Variants in ZNF385D observed in about 807,000 individuals in gnomAD.
ZNF385D encodes zinc finger protein 659.
ZNF385D carries 15 observed loss-of-function variants against 35.8 expected under a neutral mutation model. The ratio of observed to expected loss-of-function variants is 0.42; its 90% CI spans 0.28 to 0.64. The LOEUF (loss-of-function observed/expected upper bound fraction) is 0.64, where lower values mean the gene tolerates loss of function less well. ZNF385D is among the 30% of genes least tolerant of loss of function. ZNF385D has a pLI of 0.23. For missense variants in ZNF385D, 474 were observed against 494.6 expected (o/e 0.96, Z 0.39); for synonymous variants, 212 against 186.8 (o/e 1.13, Z -1.10).
intron 1 of ZNF385D, among the ~76,000 whole-genome samples, chr3:21,690,952 G>A (rs11706806): frequency 0.27 from 40,933 of 151,946 alleles, 5,539 homozygotes; most frequent in Middle Eastern, 0.37. Context: ...GAACTCTGGC[G>A]TTCTACCCTC....
chr3:22,241,661 T>C (rs1233089694), intron 2 of ZNF385D, among the ~76,000 whole-genome samples: 1 of 151,096 alleles, frequency 6.6e-6, no homozygotes, highest in Non-Finnish European at 1.5e-5. Flanking sequence ...ATCCATTTTC[T>C]TTCTTTTTTT....
rs142323918 is a variant in ZNF385D at position 22,182,172 on chromosome 3, A to T, written c.107-13137T>A. Among the ~76,000 whole-genome samples the T allele has an allele frequency of 2.8e-3, 425 of 152,302 alleles. 1 individual carries two copies. The highest frequency in any genetic ancestry group is 0.01 in the African/African-American group (416 of 41,576). ...TAAGACATAAAGCTTCTGTAATATT[A>T]TTATGCATAAATACATAACTACTAT... On this transcript the variant is annotated intron_variant, in intron 2 of 5. Coordinates refer to the ZNF385D transcript ENST00000494108.
chr3:22,228,129 C>G (rs554859796), intron 2 of ZNF385D, among the ~76,000 whole-genome samples: 2 of 152,254 alleles, frequency 1.3e-5, no homozygotes, highest in East Asian at 3.9e-4. Flanking sequence ...TGGTAGCACT[C>G]AGCAATCAGA....
chr3:21,774,509 C>G lies in ZNF385D; in HGVS notation c.326-109481G>C, dbSNP rs564153435. On this transcript the variant is annotated intron_variant, in intron 3 of 5. Coordinates refer to the ZNF385D transcript ENST00000494108. ...TAAAAATGGAGGCCAATGGGATGCT[C>G]TGATGGAAACAGGAGATGGGAAATA... is the stretch of plus-strand genomic sequence containing the variant. 7.2e-5 allele frequency among the ~76,000 whole-genome samples: 11 copies of G among 151,910 alleles called. No homozygotes were observed. The South Asian group carries it at 2.1e-3, about 29-fold the overall frequency.
intron 4 of ZNF385D, among the ~76,000 whole-genome samples, chr3:21,489,228 G>A (rs896522654): frequency 2.0e-5 from 3 of 152,062 alleles, no homozygotes; most frequent in African/African-American, 7.2e-5. Context: ...GAGTCTACAC[G>A]GTCCAGGAAG....
chr3:22,218,781 A>G (rs985128846), intron 2 of ZNF385D, among the ~76,000 whole-genome samples: 1 of 152,010 alleles, frequency 6.6e-6, no homozygotes, highest in African/African-American at 2.4e-5. Flanking sequence ...ATAGTTGTTC[A>G]TTGCCTTCAA....
chr3:22,236,131 C>A (rs767445321), intron 2 of ZNF385D, among the ~76,000 whole-genome samples: 1 of 151,858 alleles, frequency 6.6e-6, no homozygotes, highest in African/African-American at 2.4e-5. Flanking sequence ...TAAATGCAAA[C>A]AAAGCAATTT....
At chr3:21,576,033 A>G (rs1021189328) in intron 2 of ZNF385D, among the ~76,000 whole-genome samples, 3 of 152,234 alleles carry the variant, frequency 2.0e-5, no homozygotes, top group African/African-American at 4.8e-5. Context: ...TCATGACACA[A>G]TATGGAATAC....
At chr3:22,114,945 A>C (rs13326591) in intron 3 of ZNF385D, among the ~76,000 whole-genome samples, 90,872 of 151,810 alleles carry the variant, frequency 0.6, 28,846 homozygotes, top group African/African-American at 0.83. Flanking sequence ...AAGGGCCTCA[A>C]CAGACACTAA....
At chr3:21,683,887 C>T (rs2066996042) in intron 1 of ZNF385D, among the ~76,000 whole-genome samples, 1 of 150,106 alleles carries the variant, frequency 6.7e-6, no homozygotes, top group African/African-American at 2.5e-5. Flanking sequence ...AGATTTTTAA[C>T]ACAGAGTGTC....
intron 2 of ZNF385D, among the ~76,000 whole-genome samples, chr3:21,571,444 A>T (rs1300384552): frequency 1.3e-5 from 2 of 152,200 alleles, no homozygotes; most frequent in Non-Finnish European, 2.9e-5. Flanking sequence ...TATAGTAGTC[A>T]TTTATCTGAG....
chr3:21,543,561 C>G (rs1401529677), intron 3 of ZNF385D, among the ~76,000 whole-genome samples: 1 of 152,146 alleles, frequency 6.6e-6, no homozygotes, highest in Admixed American at 6.5e-5. Flanking sequence ...GCAGCCTTCC[C>G]CTTCCCCACC....
chr3:22,211,103 C>A (rs17011013), intron 2 of ZNF385D, among the ~76,000 whole-genome samples: 2 of 151,712 alleles, frequency 1.3e-5, no homozygotes, highest in African/African-American at 2.4e-5. Flanking sequence ...AGCTGAAGAA[C>A]TGATTTAAGT....
At chr3:21,466,022 C>T (rs981181523) in intron 4 of ZNF385D, among the ~76,000 whole-genome samples, 3 of 152,256 alleles carry the variant, frequency 2.0e-5, no homozygotes, top group South Asian at 4.1e-4. Flanking sequence ...GAGTGGTCTA[C>T]GACCCTACCA....
chr3:22,099,357 G>A (rs1222458478), intron 3 of ZNF385D, among the ~76,000 whole-genome samples: 1 of 152,108 alleles, frequency 6.6e-6, no homozygotes, highest in African/African-American at 2.4e-5. Context: ...CATAAGAAAG[G>A]GAGCAGACCA....
intron 3 of ZNF385D, among the ~76,000 whole-genome samples, chr3:22,111,394 G>A (rs4858028): frequency 0.11 from 16,009 of 151,898 alleles, 1,035 homozygotes; most frequent in Admixed American, 0.18. Flanking sequence ...TAATCAGGAT[G>A]AGGACACATG....
At chr3:21,832,645 G>T (rs912912135) in intron 3 of ZNF385D, among the ~76,000 whole-genome samples, 1 of 152,098 alleles carries the variant, frequency 6.6e-6, no homozygotes, top group Non-Finnish European at 1.5e-5. Flanking sequence ...CACATTCTTG[G>T]ATCAGTTCAA....
intron 3 of ZNF385D, among the ~76,000 whole-genome samples, chr3:21,929,435 TA>T (rs1290320917): frequency 1.3e-5 from 2 of 152,120 alleles, no homozygotes; most frequent in Non-Finnish European, 2.9e-5. Context: ...TGCCAATTTT[TA>T]TTTATTATTT....
intron 4 of ZNF385D, among the ~76,000 whole-genome samples, chr3:21,491,712 T>G (rs163478): frequency 0.7 from 106,510 of 152,008 alleles, 37,592 homozygotes; most frequent in East Asian, 0.84. Context: ...AATGGTTGCT[T>G]TCATGCAAGT....
Sources: allele counts gnomAD v4.1 joint callset (sites outside exome capture counted in the v4.1 genomes callset), GRCh38; gene constraint gnomAD v4.1.1; transcripts MANE v1.5; gene names NCBI Gene and HGNC (gene_info 2026-07-23, HGNC 2026-07-21).